SMC6: variants seen among roughly 807,000 people sequenced by gnomAD.
SMC6 encodes the protein structural maintenance of chromosomes protein 6.
Under a neutral mutation model 142.2 loss-of-function variants are expected in SMC6, and 79 were observed. The ratio of observed to expected loss-of-function variants is 0.56; its 90% CI spans 0.46 to 0.67. The LOEUF (loss-of-function observed/expected upper bound fraction) is 0.67. Among genes scored for constraint, SMC6 ranks in the 30% least tolerant of loss-of-function variants. The probability of loss-of-function intolerance (pLI) is 0.00; values close to 1 mark genes in which losing one functional copy is unlikely to be tolerated. For synonymous variants in SMC6, 411 were observed against 412.4 expected (o/e 1.00, Z 0.04); for missense variants, 1,072 against 1,284.0 (o/e 0.83, Z 2.52).
chr2:17,700,488 T>A (rs1668215974), intron 20 of SMC6, 110 bp from the exon 21 acceptor site: 1 of 761,052 alleles, frequency 1.3e-6, no homozygotes, highest in Admixed American at 3.5e-5. Flanking sequence ...TATATGCAAA[T>A]CAGATCAAAT....
chr2:17,749,670 A>G (rs943899486), intron 2 of SMC6, among the ~76,000 whole-genome samples: 1 of 152,192 alleles, frequency 6.6e-6, no homozygotes, highest in Non-Finnish European at 1.5e-5. Context: ...CCTGGGTGAC[A>G]GAGCGATACT....
At chr2:17,708,587 T>G in intron 17 of SMC6, 52 bp downstream of exon 17, 1 of 954,778 alleles carries the variant, frequency 1.0e-6, no homozygotes, top group South Asian at 2.6e-5. Flanking sequence ...TTATCTTCAG[T>G]TTTAAAAATT....
intron 18 of SMC6, among the ~76,000 whole-genome samples, chr2:17,703,934 C>T (rs1668386006): frequency 6.6e-6 from 1 of 151,944 alleles, no homozygotes; most frequent in Admixed American, 6.6e-5. Flanking sequence ...CAACAGTAGG[C>T]TATTAAGTTT....
chr2:17,713,385 C>G (rs1282530417), intron 16 of SMC6: 2 of 445,696 alleles, frequency 4.5e-6, no homozygotes, highest in Admixed American at 2.4e-5. Context: ...ATAAACTCAC[C>G]TACTTCCAAG....
intron 24 of SMC6, among the ~76,000 whole-genome samples, chr2:17,682,360 C>G (rs569390664): frequency 1.3e-5 from 2 of 152,152 alleles, no homozygotes. Flanking sequence ...TTGAACCCCA[C>G]CAATGCCCCA....
At chr2:17,681,458 C>T (rs1176729452) in intron 24 of SMC6, 1 of 152,172 alleles carries the variant, frequency 6.6e-6, no homozygotes, top group African/African-American at 2.4e-5. Flanking sequence ...TTTGACATAC[C>T]TTCCTCACTA....
At chr2:17,714,735 A>C in intron 16 of SMC6, 126 bp downstream of exon 16, 3 of 943,730 alleles carry the variant, frequency 3.2e-6, no homozygotes, top group Non-Finnish European at 4.8e-6. Context: ...CAGAAATTAA[A>C]GTGGCTTGAT....
chr2:17,699,797 G>C (rs923766797), intron 21 of SMC6, among the ~76,000 whole-genome samples: 1 of 152,134 alleles, frequency 6.6e-6, no homozygotes, highest in South Asian at 2.1e-4. Flanking sequence ...TGAGATAGCT[G>C]ACAAACAAGA....
chr2:17,719,976 T>C (rs1013958031), intron 11 of SMC6, among the ~76,000 whole-genome samples: 2 of 151,944 alleles, frequency 1.3e-5, no homozygotes, highest in Admixed American at 6.6e-5. Context: ...CTAAGCAAAG[T>C]AGAGAAAATG....
intron 5 of SMC6, among the ~76,000 whole-genome samples, chr2:17,734,011 G>A (rs1194394550): frequency 6.6e-6 from 1 of 152,146 alleles, no homozygotes; most frequent in Non-Finnish European, 1.5e-5. Flanking sequence ...TTTTCACAAG[G>A]AGAGACAGGA....
intron 21 of SMC6, among the ~76,000 whole-genome samples, chr2:17,697,150 C>T (rs1264557661): frequency 4.0e-5 from 6 of 151,842 alleles, no homozygotes; most frequent in Non-Finnish European, 8.8e-5. Context: ...AGAACAAGAG[C>T]AAGGTAAGGA....
chr2:17,714,539 T>C (rs1439541868), intron 16 of SMC6, among the ~76,000 whole-genome samples: 1 of 152,220 alleles, frequency 6.6e-6, no homozygotes, highest in African/African-American at 2.4e-5. Context: ...AATTTAACTG[T>C]GTGTAATGGG....
At chr2:17,726,295 ACTC>A in intron 8 of SMC6, 91 bp downstream of exon 8, 1 of 883,508 alleles carries the variant, frequency 1.1e-6, no homozygotes, top group South Asian at 2.5e-5. Flanking sequence ...GAAAAAAAAA[ACTC>A]AGCCTCCATT....
At chr2:17,721,667 C>A (rs1052796027) in intron 9 of SMC6, among the ~76,000 whole-genome samples, 7 of 150,700 alleles carry the variant, frequency 4.6e-5, no homozygotes, top group Non-Finnish European at 1.0e-4. Context: ...TTCTGAAAAT[C>A]AAACAAGTTA....
intron 9 of SMC6, 21 bp downstream of exon 9, chr2:17,725,236 T>A: frequency 6.4e-7 from 1 of 1,561,628 alleles, no homozygotes; most frequent in Non-Finnish European, 8.7e-7. Context: ...TCAAAAAGAT[T>A]TACATTAACT....
chr2:17,699,234 T>C (rs1668153880), intron 21 of SMC6, among the ~76,000 whole-genome samples: 1 of 152,124 alleles, frequency 6.6e-6, no homozygotes, highest in Non-Finnish European at 1.5e-5. Flanking sequence ...GGAAATATTT[T>C]TGGTGGACAC....
At chr2:17,752,934 G>C in intron 2 of SMC6, 44 bp downstream of exon 2, 2 of 759,986 alleles carry the variant, frequency 2.6e-6, no homozygotes, top group Non-Finnish European at 3.2e-6. Flanking sequence ...TGTCTTGAGG[G>C]CTCAAACACC....
At chr2:17,722,475 A>G (rs1440653971) in intron 9 of SMC6, among the ~76,000 whole-genome samples, 3 of 152,016 alleles carry the variant, frequency 2.0e-5, no homozygotes, top group Non-Finnish European at 4.4e-5. Context: ...AAAACCACCA[A>G]TACCCATCCC....
intron 5 of SMC6, among the ~76,000 whole-genome samples, chr2:17,737,756 C>G (rs953592876): frequency 6.6e-6 from 1 of 152,134 alleles, no homozygotes. Flanking sequence ...AAATCAGAGT[C>G]AAAAAGTAGA....
Sources: gnomAD v4.1 joint callset for allele counts (sites outside exome capture counted in the v4.1 genomes callset) on GRCh38, gnomAD v4.1.1 for gene constraint, MANE v1.5 for transcripts, NCBI Gene and HGNC (gene_info 2026-07-23, HGNC 2026-07-21) for gene names.